The following CCSER2 variants were observed in gnomAD, a reference collection of about 807,000 sequenced individuals.
CCSER2 encodes serine-rich coiled-coil domain-containing protein 2.
In CCSER2, 46 loss-of-function variants were observed where a neutral mutation model predicts 92.3. The observed-to-expected ratio is 0.50, with a 90% CI of 0.39 to 0.64. The LOEUF is 0.64. Among genes scored for constraint, CCSER2 ranks in the 30% least tolerant of loss-of-function variants. The probability of loss-of-function intolerance (pLI) is 0.00; values close to 1 mark genes in which losing one functional copy is unlikely to be tolerated. For missense variants in CCSER2, 1,244 were observed against 1,238.9 expected (o/e 1.00, Z -0.06); for synonymous variants, 433 against 431.4 (o/e 1.00, Z -0.04).
rs1283779767 is a variant in CCSER2 at position 84,373,620 on chromosome 10, C to T, written c.1419C>T (p.Asp473=). The change falls in exon 3 of 10, where the codon GAC becomes GAT. Residue 473 remains aspartate, a splice_region_variant and synonymous_variant. Transcript: ENST00000372088. ...TDEWIDISVS[D]RSECTKHTSG... ...TCAGTAACCTTTTTTCTCTTGAAGA[C>T]AGGAGTGAATGTACAAAACATACTT... 3.1e-6 allele frequency: 5 copies of T among 1,603,786 alleles called. No individual in the cohort carries two copies. Among genetic ancestry groups the T allele is most frequent in the African/African-American group, 2.7e-5 (2 of 74,704 alleles).
chr10:84,451,329 A>C (rs1249124945), intron 6 of CCSER2, among the ~76,000 whole-genome samples: 5 of 146,418 alleles, frequency 3.4e-5, no homozygotes, highest in Non-Finnish European at 7.4e-5. Context: ...GAGTGCAGTG[A>C]CTACTCACAG....
At chr10:84,471,782 A>T (rs1846817069) in intron 8 of CCSER2, among the ~76,000 whole-genome samples, 1 of 152,100 alleles carries the variant, frequency 6.6e-6, no homozygotes, top group Non-Finnish European at 1.5e-5. Flanking sequence ...ATTTGTTTGG[A>T]TTTATAAATC....
chr10:84,502,388 T>TC (rs1253042481), intron 9 of CCSER2, among the ~76,000 whole-genome samples: 9 of 143,950 alleles, frequency 6.3e-5, no homozygotes, highest in African/African-American at 2.2e-4. Context: ...TTTTTTTTTT[T>TC]GAGACAAGAG....
intron 1 of CCSER2, among the ~76,000 whole-genome samples, chr10:84,361,433 T>C (rs978881532): frequency 3.3e-5 from 5 of 152,182 alleles, no homozygotes; most frequent in Non-Finnish European, 7.4e-5. Flanking sequence ...TTCCAGGTTT[T>C]TAGGTAGGAG....
chr10:84,491,026 G>A (rs2131801480), intron 9 of CCSER2, among the ~76,000 whole-genome samples: 1 of 152,346 alleles, frequency 6.6e-6, no homozygotes, highest in South Asian at 2.1e-4. Context: ...GTTTGCCTGG[G>A]TATCAGCAGC....
rs1849663052 is a variant in CCSER2, at chr10:84,518,303, C to T, written c.*4036C>T. The T allele has an allele frequency of 6.6e-6, 1 of 152,526 alleles. No individual in the cohort carries two copies. The highest frequency in any genetic ancestry group is 1.5e-5 in the Non-Finnish European group (1 of 68,012). The allele number at this position is 152,526 out of a possible 1,614,324, so 9.4% of individuals were successfully genotyped here. A position where few individuals can be genotyped will look rare whatever the true frequency, so the allele number is the denominator to read the frequency against. On this transcript the variant is annotated 3_prime_UTR_variant, in exon 10 of 10. Coordinates refer to ENST00000372088, the MANE Select transcript of CCSER2 (RefSeq NM_001284240.2). ...TCTCCTTGGTAAAGCGTTTACTTAACAAAATAATACCCGAGAATGTAAGGT... is the reference window on the plus strand; with the variant it reads ...TCTCCTTGGTAAAGCGTTTACTTAATAAAATAATACCCGAGAATGTAAGGT...
In CCSER2 at chr10:84,441,734, ATGTTTTTTTTTT is replaced by A. The variant is rs1844557537; in HGVS notation, c.2064+3029_2064+3040del. ...GGGAATAAAGTAGAAGACTGGGAAA[ATGTTTTTTTTTT>A]TTTTTTTTTTTTTTTTTTTTTTTTT... On this transcript the variant is annotated intron_variant, in intron 6 of 9. Coordinates refer to ENST00000372088, the MANE Select transcript of CCSER2 (RefSeq NM_001284240.2). 2.3e-4 allele frequency among the ~76,000 whole-genome samples: 25 copies of A among 106,428 alleles called. 1 individual carries two copies. Among genetic ancestry groups the A allele is most frequent in the East Asian group, 5.3e-4 (2 of 3,800 alleles). 69.8% of individuals were successfully genotyped at this position (106,428 alleles called of 152,430 possible). A position where few individuals can be genotyped will look rare whatever the true frequency, so the allele number is the denominator to read the frequency against.
At chr10:84,445,694 TTGAAA>T (rs1844871096) in intron 6 of CCSER2, among the ~76,000 whole-genome samples, 1 of 152,236 alleles carries the variant, frequency 6.6e-6, no homozygotes, top group African/African-American at 2.4e-5. Context: ...TATTTGAACT[TTGAAA>T]TGAAATGAAA....
chr10:84,441,734 A>AATTTTTTTTTTTTTTTTTTTTTTTTT (rs1564667378), intron 6 of CCSER2, among the ~76,000 whole-genome samples: 1 of 106,410 alleles, frequency 9.4e-6, no homozygotes, highest in Non-Finnish European at 1.8e-5. Flanking sequence ...GACTGGGAAA[A>AATTTTTTTTTTTTTTTTTTTTTTTTT]TGTTTTTTTT....
intron 6 of CCSER2, among the ~76,000 whole-genome samples, chr10:84,457,647 ATAATTATATT>A (rs1564686263): frequency 6.3e-5 from 6 of 95,876 alleles, no homozygotes; most frequent in African/African-American, 2.4e-4. Context: ...ATAATTATAT[ATAATTATATT>A]ATTTTTAATT....
At chr10:84,343,116 C>T (rs1411413190) in intron 1 of CCSER2, among the ~76,000 whole-genome samples, 1 of 152,188 alleles carries the variant, frequency 6.6e-6, no homozygotes, top group East Asian at 1.9e-4. Context: ...CAAACGGCCC[C>T]CTTGGCCTCC....
At chr10:84,365,388 A>G (rs1446138697) in intron 1 of CCSER2, among the ~76,000 whole-genome samples, 1 of 152,214 alleles carries the variant, frequency 6.6e-6, no homozygotes, top group Non-Finnish European at 1.5e-5. Flanking sequence ...AGCAAATATA[A>G]GGGAAAATTT....
chr10:84,394,110 T>G (rs1841683843), intron 3 of CCSER2, among the ~76,000 whole-genome samples: 1 of 152,216 alleles, frequency 6.6e-6, no homozygotes, highest in Non-Finnish European at 1.5e-5. Context: ...GTAGTTGTTG[T>G]GATTCTTTAA....
At chr10:84,471,215 A>G (rs886518148) in intron 8 of CCSER2, among the ~76,000 whole-genome samples, 1 of 152,124 alleles carries the variant, frequency 6.6e-6, no homozygotes, top group African/African-American at 2.4e-5. Flanking sequence ...ACGGAGATCC[A>G]TTTCATGAAT....
chr10:84,480,864 T>G (rs2133756265), intron 9 of CCSER2, among the ~76,000 whole-genome samples: 1 of 152,358 alleles, frequency 6.6e-6, no homozygotes, highest in East Asian at 1.9e-4. Flanking sequence ...ACGTAGGTAG[T>G]GGTGATGGTG....
chr10:84,448,990 A>G (rs1264331262), intron 6 of CCSER2, among the ~76,000 whole-genome samples: 1 of 152,250 alleles, frequency 6.6e-6, no homozygotes, highest in Non-Finnish European at 1.5e-5. Flanking sequence ...ATCTGTTGAT[A>G]GACATTCAGG....
intron 3 of CCSER2, among the ~76,000 whole-genome samples, chr10:84,396,109 C>T (rs1042485389): frequency 5.9e-5 from 9 of 151,852 alleles, no homozygotes; most frequent in African/African-American, 1.9e-4. Context: ...AGCCTTTCTT[C>T]TTATTTTTAA....
At chr10:84,510,663 C>T (rs1309510067) in intron 9 of CCSER2, among the ~76,000 whole-genome samples, 2 of 152,212 alleles carry the variant, frequency 1.3e-5, no homozygotes, top group Non-Finnish European at 2.9e-5. Context: ...GAATTAACAT[C>T]TGGCATTTAT....
chr10:84,466,292 A>G (rs1169511271), intron 7 of CCSER2, among the ~76,000 whole-genome samples: 1 of 152,168 alleles, frequency 6.6e-6, no homozygotes, highest in Non-Finnish European at 1.5e-5. Flanking sequence ...TGTAGGATCT[A>G]AAGTCTCCAT....
Sources: gnomAD v4.1 joint callset for allele counts (sites outside exome capture counted in the v4.1 genomes callset) on GRCh38, gnomAD v4.1.1 for gene constraint, MANE v1.5 for transcripts, NCBI Gene and HGNC (gene_info 2026-07-23, HGNC 2026-07-21) for gene names.